The following WDPCP variants were observed in gnomAD, a reference collection of about 807,000 sequenced individuals.
The protein encoded by WDPCP is WD repeat-containing and planar cell polarity effector protein fritz homolog.
A neutral mutation model predicts 93.1 loss-of-function variants in WDPCP; 71 were observed. The observed-to-expected ratio is 0.76, with a 90% confidence interval of 0.63 to 0.93. The LOEUF (loss-of-function observed/expected upper bound fraction) is 0.93, where lower values mean the gene tolerates loss of function less well. Among genes scored for constraint, WDPCP ranks in the 40% least tolerant of loss-of-function variants. WDPCP has a pLI of 0.00. For synonymous variants in WDPCP, 315 were observed against 315.0 expected, an observed-to-expected ratio of 1.00 and a Z score of 0.00; for missense variants, 844 against 887.4, an observed-to-expected ratio of 0.95 and a Z score of 0.62.
chr2:63,278,607 C>T (rs1390219636), intron 13 of WDPCP, among the ~76,000 whole-genome samples: 1 of 152,104 alleles, frequency 6.6e-6, no homozygotes, highest in Non-Finnish European at 1.5e-5. Flanking sequence ...GCAGGCAGAT[C>T]ATGAGGTCAG....
chr2:63,641,602 G>C (rs1029755496), intron 3 of WDPCP, among the ~76,000 whole-genome samples: 3 of 152,088 alleles, frequency 2.0e-5, no homozygotes, highest in African/African-American at 7.2e-5. Flanking sequence ...TTTGAGAAAT[G>C]TCTCTGCACA....
rs201168432 is a variant in WDPCP, at chr2:63,808,874, C to T, written n.308+4748G>A. ...AAAGTGAGGAGCGTCTCTGCCCGGC[C>T]GCCATCCCATCTAGGAAATGAGGAG... On this transcript the variant is annotated intron_variant and non_coding_transcript_variant, in intron 2 of 4. Coordinates refer to the WDPCP transcript ENST00000467687. Among the ~76,000 whole-genome samples, 487 of 151,626 alleles carry T rather than the reference C, an allele frequency of 3.2e-3. 1 individual carries two copies. Among genetic ancestry groups the T allele is most frequent in the Non-Finnish European group, 5.4e-3 (369 of 67,852 alleles).
chr2:63,424,649 A>G (rs1332881199), intron 9 of WDPCP, among the ~76,000 whole-genome samples: 1 of 152,210 alleles, frequency 6.6e-6, no homozygotes, highest in Non-Finnish European at 1.5e-5. Flanking sequence ...AGGGGAGCCA[A>G]GCTGAGATCT....
At chr2:63,388,826 A>G (rs2104986066) in intron 10 of WDPCP, among the ~76,000 whole-genome samples, 1 of 152,334 alleles carries the variant, frequency 6.6e-6, no homozygotes, top group South Asian at 2.1e-4. Context: ...TAATGAAATA[A>G]AACGAGAAGA....
chr2:63,622,916 G>A (rs1207796747), intron 3 of WDPCP: 5 of 1,155,448 alleles, frequency 4.3e-6, no homozygotes, highest in South Asian at 4.0e-5. Context: ...CCAGGCCGGG[G>A]CTCGGCGCAC....
intron 13 of WDPCP, among the ~76,000 whole-genome samples, chr2:63,272,731 C>T (rs962458536): frequency 1.3e-5 from 2 of 152,130 alleles, no homozygotes; most frequent in East Asian, 1.9e-4. Context: ...AAGAAATAAT[C>T]TAAGAACTGG....
chr2:63,588,736 T>G, upstream of WDPCP: 1 of 494,846 alleles, frequency 2.0e-6, no homozygotes. Flanking sequence ...ATCCGTTTGT[T>G]GTCGTCCTCC....
At chr2:63,300,292 A>G (rs1240796624) in intron 13 of WDPCP, among the ~76,000 whole-genome samples, 2 of 152,130 alleles carry the variant, frequency 1.3e-5, no homozygotes, top group Non-Finnish European at 2.9e-5. Flanking sequence ...AACCCAGACA[A>G]TGTAGCCACT....
chr2:63,402,206 T>C (rs1694202113), intron 10 of WDPCP, among the ~76,000 whole-genome samples: 1 of 152,014 alleles, frequency 6.6e-6, no homozygotes, highest in Non-Finnish European at 1.5e-5. Flanking sequence ...CTCAGCAAAC[T>C]AACACAGGAA....
At chr2:63,805,549 G>T (rs1183884639) in intron 2 of WDPCP, among the ~76,000 whole-genome samples, 2 of 152,010 alleles carry the variant, frequency 1.3e-5, no homozygotes, top group Non-Finnish European at 2.9e-5. Context: ...ACCCAATTAT[G>T]ATCTGCAGAT....
rs149388327 is a variant in WDPCP, at chr2:63,330,072, G to A, written c.1749-16761C>T. On this transcript the variant is annotated intron_variant, in intron 12 of 17. Transcript: ENST00000272321. ...AGCATGAGTATAGATGTCTCTTCAA[G>A]ATACTGATTTCATTTCCTTTTGACA... is the stretch of plus-strand genomic sequence containing the variant. Among the ~76,000 whole-genome samples the A allele has an allele frequency of 9.3e-4, 142 of 152,266 alleles. 2 individuals carry two copies. The highest frequency in any genetic ancestry group is 3.1e-3 in the African/African-American group (129 of 41,558).
chr2:63,463,659 GAA>G (rs1342055547), intron 6 of WDPCP, among the ~76,000 whole-genome samples: 1 of 152,168 alleles, frequency 6.6e-6, no homozygotes, highest in East Asian at 1.9e-4. Context: ...CAGTGGAACA[GAA>G]AAGAGATCCC....
In WDPCP at chr2:63,135,395, G is replaced by A. The variant is rs182470451; in HGVS notation, c.2191-13339C>T. Reference sequence around the variant, plus strand: ...TGTCCAGGCTGGAGTGCAGTGGCGCGATCTTGGCTCACTGCCACCTCGGCC... The same window carrying A: ...TGTCCAGGCTGGAGTGCAGTGGCGCAATCTTGGCTCACTGCCACCTCGGCC... On this transcript the variant is annotated intron_variant, in intron 17 of 17. Transcript: ENST00000272321. 3.7e-3 allele frequency among the ~76,000 whole-genome samples: 568 copies of A among 152,264 alleles called. 25 individuals are homozygous for A. The South Asian group carries it at 0.079, about 21-fold the overall frequency.
chr2:63,211,606 T>C (rs983921739), intron 14 of WDPCP, among the ~76,000 whole-genome samples: 1 of 152,172 alleles, frequency 6.6e-6, no homozygotes, highest in African/African-American at 2.4e-5. Flanking sequence ...CAAAGCTGGA[T>C]GGAGAATGAC....
chr2:63,539,573 T>C (rs957264817), intron 1 of WDPCP, among the ~76,000 whole-genome samples: 7 of 152,030 alleles, frequency 4.6e-5, no homozygotes, highest in Admixed American at 2.0e-4. Context: ...ATGCCTGTAA[T>C]TGGTTGCGAG....
chr2:63,286,739 A>G (rs1220446688), intron 13 of WDPCP, among the ~76,000 whole-genome samples: 1 of 152,236 alleles, frequency 6.6e-6, no homozygotes, highest in Non-Finnish European at 1.5e-5. Context: ...TACATTTATT[A>G]TAATTTATGA....
At position 63,437,511 on chromosome 2, in the gene WDPCP, T is replaced by C; in HGVS notation, c.543A>G (p.Gln181=). The part of the protein sequence containing the change: ...DSFIILSFLA[Q]NKLCFIQFTK... ...TAAACTGAATAAAACATAGTTTGTT[T>C]TGTGCCAAAAATGATAAGATGATAA... is the stretch of plus-strand genomic sequence containing the variant. The change falls in exon 8 of 18, where the codon CAA becomes CAG. Residue 181 remains glutamine, a synonymous_variant. Coordinates refer to ENST00000272321, the MANE Select transcript of WDPCP (RefSeq NM_015910.7). 1 of 1,598,850 alleles carries C rather than the reference T, an allele frequency of 6.3e-7. No homozygotes were observed. The highest frequency in any genetic ancestry group is 8.5e-7 in the Non-Finnish European group (1 of 1,173,488).
At chr2:63,820,743 G>C (rs938386792) in intron 1 of WDPCP, among the ~76,000 whole-genome samples, 1 of 151,890 alleles carries the variant, frequency 6.6e-6, no homozygotes, top group African/African-American at 2.4e-5. Flanking sequence ...CTTAATATTT[G>C]TATCTTAGTT....
At chr2:63,339,068 G>C (rs1368482446) in intron 12 of WDPCP, among the ~76,000 whole-genome samples, 2 of 152,020 alleles carry the variant, frequency 1.3e-5, no homozygotes, top group Non-Finnish European at 2.9e-5. Flanking sequence ...GAGTTTTACA[G>C]TTCTCCTTGT....
Sources: gnomAD v4.1 joint callset for allele counts (sites outside exome capture counted in the v4.1 genomes callset) on GRCh38, gnomAD v4.1.1 for gene constraint, MANE v1.5 for transcripts, NCBI Gene and HGNC (gene_info 2026-07-23, HGNC 2026-07-21) for gene names.